The following MTMR2 variants were observed in gnomAD, a reference collection of about 807,000 sequenced individuals.
MTMR2 encodes phosphatidylinositol-3,5-bisphosphate 3-phosphatase MTMR2.
In MTMR2, 55 loss-of-function variants were observed where a neutral mutation model predicts 86.9. The ratio of observed to expected loss-of-function variants is 0.63; its 90% CI spans 0.51 to 0.79. The LOEUF (loss-of-function observed/expected upper bound fraction) is 0.79. Ranked by LOEUF, MTMR2 falls within the 30% of genes least tolerant of loss-of-function variation. The pLI is 0.00. For missense variants in MTMR2, 659 were observed against 772.3 expected (o/e 0.85, Z 1.74); for synonymous variants, 241 against 266.8 (o/e 0.90, Z 0.94).
chr11:95,899,133 T>C (rs1195710358), intron 1 of MTMR2, among the ~76,000 whole-genome samples: 2 of 152,174 alleles, frequency 1.3e-5, no homozygotes, highest in East Asian at 1.9e-4. Context: ...GGAAAATCTG[T>C]TACAAGACTA....
chr11:95,864,410 C>T (rs1192109952), intron 3 of MTMR2, among the ~76,000 whole-genome samples: 2 of 152,094 alleles, frequency 1.3e-5, no homozygotes, highest in African/African-American at 4.8e-5. Flanking sequence ...GCTGCAATTA[C>T]GGCATTAAGT....
chr11:95,849,609 T>C, intron 9 of MTMR2, 65 bp downstream of exon 9: 2 of 1,439,178 alleles, frequency 1.4e-6, no homozygotes, highest in Non-Finnish European at 1.9e-6. Context: ...TTTACTACAC[T>C]GTGGCCCTGC....
At chr11:95,908,903 C>T (rs1866392628) in intron 1 of MTMR2, among the ~76,000 whole-genome samples, 1 of 152,134 alleles carries the variant, frequency 6.6e-6, no homozygotes, top group South Asian at 2.1e-4. Context: ...TACATATACA[C>T]ATGCCTATGA....
rs1047654991 is a variant in MTMR2 at position 95,924,045 on chromosome 11, C to T, written c.-91G>A. The T allele has an allele frequency of 1.3e-6, 2 of 1,502,526 alleles. No individual in the cohort carries two copies. The highest frequency in any genetic ancestry group is 1.8e-6 in the Non-Finnish European group (2 of 1,104,856). The allele number at this position is 1,502,526 out of a possible 1,614,324, so 93.1% of individuals were successfully genotyped here. A position where few individuals can be genotyped will look rare whatever the true frequency, so the allele number is the denominator to read the frequency against. ...GAGGGCGGAGTGCTACGGACCGGGG[C>T]CGCAGTCAGGCCAGCGCCGGCCCGG... is the stretch of plus-strand genomic sequence containing the variant. On this transcript the variant is annotated 5_prime_UTR_variant, in exon 1 of 15. Transcript: ENST00000346299.
chr11:95,835,217 A>T lies in MTMR2; in HGVS notation c.*73T>A. ...TCTCATAGATGGGTTCTAAATTCCG[A>T]AGACTTTCTACTCATAGAGCTGCCA... On this transcript the variant is annotated 3_prime_UTR_variant, in exon 15 of 15. Transcript: ENST00000346299. 1 of 1,502,620 alleles carries T rather than the reference A, an allele frequency of 6.7e-7. No individual in the cohort carries two copies. The allele number at this position is 1,502,620 out of a possible 1,614,324, so 93.1% of individuals were successfully genotyped here. A position where few individuals can be genotyped will look rare whatever the true frequency, so the allele number is the denominator to read the frequency against.
chr11:95,851,481 G>A (rs1864021461), intron 7 of MTMR2, among the ~76,000 whole-genome samples: 1 of 152,104 alleles, frequency 6.6e-6, no homozygotes, highest in Admixed American at 6.5e-5. Context: ...TCCTGCCTCA[G>A]CCTCCCAAGT....
intron 2 of MTMR2, among the ~76,000 whole-genome samples, chr11:95,873,091 T>C (rs1753340124): frequency 6.6e-6 from 1 of 152,202 alleles, no homozygotes; most frequent in Admixed American, 6.5e-5. Context: ...TTTTGTTGTG[T>C]CTCTGCCAGG....
chr11:95,903,329 C>T (rs887688790), intron 1 of MTMR2, among the ~76,000 whole-genome samples: 2 of 152,196 alleles, frequency 1.3e-5, no homozygotes, highest in Non-Finnish European at 2.9e-5. Flanking sequence ...TCACTTCTCG[C>T]TTTTCCCAGC....
intron 2 of MTMR2, chr11:95,882,259 G>C (rs961554038): frequency 6.6e-6 from 1 of 150,538 alleles, no homozygotes; most frequent in African/African-American, 2.4e-5. Context: ...ACACTCTCGG[G>C]GGGGCCGAGG....
intron 2 of MTMR2, among the ~76,000 whole-genome samples, chr11:95,866,861 C>G (rs1864636260): frequency 6.6e-6 from 1 of 151,524 alleles, no homozygotes; most frequent in African/African-American, 2.4e-5. Flanking sequence ...ACTTGGTACT[C>G]TTAGGCAAGG....
chr11:95,860,723 G>A (rs36006898), intron 5 of MTMR2, among the ~76,000 whole-genome samples: 5,220 of 152,256 alleles, frequency 0.034, 128 homozygotes, highest in Non-Finnish European at 0.053. Flanking sequence ...GAAGTGGTAC[G>A]TAGAATTAAA....
rs555115662 is a variant in MTMR2 at position 95,910,266 on chromosome 11, C to T, written c.80+13609G>A. 2.4e-4 allele frequency among the ~76,000 whole-genome samples: 37 copies of T among 152,082 alleles called. No homozygotes were observed. In the South Asian group the frequency reaches 7.5e-3, roughly 31 times the overall value. On this transcript the variant is annotated intron_variant, in intron 1 of 14. Transcript: ENST00000346299. ...TTAGAAAAGTATTGACCCTTTCTGG[C>T]TCCACTGGTTTGGCCGAGTGTTAAT...
intron 5 of MTMR2, among the ~76,000 whole-genome samples, chr11:95,860,672 A>G (rs1864382726): frequency 6.6e-6 from 1 of 152,198 alleles, no homozygotes; most frequent in African/African-American, 2.4e-5. Context: ...CTCAATGTGC[A>G]TGGGTGTTAG....
In MTMR2 at chr11:95,870,451, A is replaced by C. The variant is rs1175432959; in HGVS notation, c.187-4775T>G. On this transcript the variant is annotated intron_variant, in intron 2 of 14. Coordinates refer to ENST00000346299, the MANE Select transcript of MTMR2 (RefSeq NM_016156.6). ...TGAAATGATGATAATCTACGAAAGA[A>C]ATAGAATCCTGGATTAGTCTATGGT... 3.9e-5 allele frequency among the ~76,000 whole-genome samples: 6 copies of C among 152,314 alleles called. No homozygotes were observed. The South Asian group carries it at 1.2e-3, about 32-fold the overall frequency.
intron 11 of MTMR2, 103 bp from the exon 12 acceptor site, chr11:95,841,812 A>C (rs1338803334): frequency 3.2e-6 from 3 of 926,258 alleles, no homozygotes; most frequent in African/African-American, 1.6e-5. Flanking sequence ...AAAAATTTTC[A>C]AAGTCGGGTG....
chr11:95,923,674 GA>G, intron 1 of MTMR2, 200 bp downstream of exon 1: 1 of 1,426,728 alleles, frequency 7.0e-7, no homozygotes, highest in Non-Finnish European at 9.2e-7. Flanking sequence ...AATCGATAAA[GA>G]AGCAGCGAGT....
intron 1 of MTMR2, among the ~76,000 whole-genome samples, chr11:95,912,494 A>T (rs1866548178): frequency 7.0e-6 from 1 of 142,754 alleles, no homozygotes; most frequent in African/African-American, 2.7e-5. Context: ...TTGAAATATT[A>T]AAAAAAGGCA....
At chr11:95,921,012 T>C (rs981761233) in intron 1 of MTMR2, among the ~76,000 whole-genome samples, 5 of 152,212 alleles carry the variant, frequency 3.3e-5, no homozygotes, top group Non-Finnish European at 7.3e-5. Context: ...ACATAACACA[T>C]AATATTTAAC....
chr11:95,889,379 C>T (rs922472522), intron 1 of MTMR2, among the ~76,000 whole-genome samples: 3 of 151,996 alleles, frequency 2.0e-5, no homozygotes, highest in Non-Finnish European at 2.9e-5. Flanking sequence ...CTGATGTGCC[C>T]GCTTCGGCCT....
Sources: gnomAD v4.1 joint callset for allele counts (sites outside exome capture counted in the v4.1 genomes callset) on GRCh38, gnomAD v4.1.1 for gene constraint, MANE v1.5 for transcripts, NCBI Gene and HGNC (gene_info 2026-07-23, HGNC 2026-07-21) for gene names.